Variants in NRDC observed in about 807,000 individuals in gnomAD.
NRDC encodes nardilysin convertase, also known as nardilysin.
In NRDC, 54 loss-of-function variants were observed where a neutral mutation model predicts 147.1. The ratio of observed to expected loss-of-function variants is 0.37; its 90% CI spans 0.29 to 0.46. The LOEUF (loss-of-function observed/expected upper bound fraction) is 0.46. NRDC is among the 20% of genes least tolerant of loss of function. NRDC has a pLI of 1.00. For synonymous variants in NRDC, 440 were observed against 482.1 expected (o/e 0.91, Z 1.14); for missense variants, 1,082 against 1,370.6 (o/e 0.79, Z 3.33).
chr1:51,815,376 A>G (rs139621569), intron 11 of NRDC, among the ~76,000 whole-genome samples: 86 of 152,094 alleles, frequency 5.7e-4, no homozygotes, highest in Admixed American at 2.7e-3. Context: ...TCTAAAACAT[A>G]CTTACATTGA....
Position 51,821,580 on chromosome 1 carries a change from G to C in NRDC, c.1160-25C>G, listed in dbSNP as rs1026919597. 2.0e-6 allele frequency: 3 copies of C among 1,523,096 alleles called. No individual in the cohort carries two copies. In the African/African-American group the frequency reaches 4.1e-5, roughly 21 times the overall value. 94.3% of individuals were successfully genotyped at this position (1,523,096 alleles called of 1,614,324 possible). Reference sequence around the variant, plus strand: ...TCTTGAGAGGGGAGGGCAGGGAAGAGACAGGAAAATGCAATGACATTATTC... The same window carrying C: ...TCTTGAGAGGGGAGGGCAGGGAAGACACAGGAAAATGCAATGACATTATTC... On this transcript the variant is annotated intron_variant, in intron 7 of 30. Coordinates refer to ENST00000352171, the MANE Select transcript of NRDC (RefSeq NM_001101662.2).
intron 22 of NRDC, 174 bp downstream of exon 22, chr1:51,798,075 G>A: frequency 1.7e-6 from 1 of 586,186 alleles, no homozygotes; most frequent in Admixed American, 3.1e-5. Flanking sequence ...CAGCCCAGCA[G>A]TCTTCATCTT....
intron 1 of NRDC, among the ~76,000 whole-genome samples, chr1:51,843,671 T>C (rs957343534): frequency 6.6e-6 from 1 of 152,184 alleles, no homozygotes; most frequent in Non-Finnish European, 1.5e-5. Flanking sequence ...TAATAACTTA[T>C]GAGGGTTGAA....
At chr1:51,808,804 T>G (rs756813689) in intron 17 of NRDC, among the ~76,000 whole-genome samples, 7 of 152,226 alleles carry the variant, frequency 4.6e-5, no homozygotes, top group Non-Finnish European at 7.3e-5. Flanking sequence ...GACAGGCAGA[T>G]ATCTGAAACA....
At chr1:51,878,156 T>G in intron 1 of NRDC, 119 bp downstream of exon 1, 2 of 1,427,888 alleles carry the variant, frequency 1.4e-6, no homozygotes, top group Non-Finnish European at 1.9e-6. Context: ...AAGGAAGCAT[T>G]TGGGGTGGAA....
intron 1 of NRDC, among the ~76,000 whole-genome samples, chr1:51,855,381 T>C (rs1252564794): frequency 6.6e-6 from 1 of 151,678 alleles, no homozygotes; most frequent in Non-Finnish European, 1.5e-5. Flanking sequence ...TTCAGTTCTA[T>C]AACAGAGCTA....
At position 51,789,666 on chromosome 1, in the gene NRDC, G is replaced by C. The variant is rs1678484678; in HGVS notation, c.3169-9C>G. ...GACTTCAGTGCTTCAATCTTACAAGGGAAGGGAAGATAGGAAAGAAATTCA... is the reference window on the plus strand; with the variant it reads ...GACTTCAGTGCTTCAATCTTACAAGCGAAGGGAAGATAGGAAAGAAATTCA... On this transcript the variant is annotated splice_polypyrimidine_tract_variant and intron_variant, in intron 29 of 30. Coordinates refer to ENST00000352171, the MANE Select transcript of NRDC (RefSeq NM_001101662.2). The C allele has an allele frequency of 6.3e-7, 1 of 1,594,432 alleles. No homozygotes were observed. The highest frequency in any genetic ancestry group is 8.6e-7 in the Non-Finnish European group (1 of 1,162,270).
At chr1:51,853,019 C>T (rs1682053051) in intron 1 of NRDC, among the ~76,000 whole-genome samples, 1 of 151,662 alleles carries the variant, frequency 6.6e-6, no homozygotes, top group Non-Finnish European at 1.5e-5. Context: ...GTCAGGAGTT[C>T]GAGACCAGCC....
chr1:51,800,180 G>A (rs1679126911), intron 21 of NRDC, among the ~76,000 whole-genome samples: 2 of 152,136 alleles, frequency 1.3e-5, no homozygotes, highest in South Asian at 2.1e-4. Context: ...TTGCTATATT[G>A]CCCAGGCTAG....
chr1:51,848,918 T>C (rs1681793268), intron 1 of NRDC, among the ~76,000 whole-genome samples: 1 of 152,178 alleles, frequency 6.6e-6, no homozygotes, highest in African/African-American at 2.4e-5. Flanking sequence ...AGCATGACAC[T>C]AGAACACATT....
chr1:51,837,375 T>A (rs1016203658), intron 2 of NRDC: 2 of 1,068,312 alleles, frequency 1.9e-6, no homozygotes, highest in African/African-American at 3.2e-5. Context: ...CTTGATACTA[T>A]AAACCCCATT....
At chr1:51,823,290 T>C (rs1206969164) in intron 7 of NRDC, among the ~76,000 whole-genome samples, 1 of 152,180 alleles carries the variant, frequency 6.6e-6, no homozygotes, top group Admixed American at 6.5e-5. Context: ...AACCAACACT[T>C]TGCCCTGTAA....
At chr1:51,844,136 C>T (rs1681414099) in intron 1 of NRDC, among the ~76,000 whole-genome samples, 1 of 152,008 alleles carries the variant, frequency 6.6e-6, no homozygotes. Context: ...GCTATACTCG[C>T]CTCCACCACC....
intron 1 of NRDC, among the ~76,000 whole-genome samples, chr1:51,877,379 G>A (rs550387758): frequency 3.3e-5 from 5 of 152,074 alleles, no homozygotes; most frequent in Non-Finnish European, 7.3e-5. Context: ...TCAAAGTCCA[G>A]GCCTGGCACA....
rs1571831859 is a variant in NRDC, at chr1:51,790,573, A to G, written c.3128T>C (p.Val1043Ala). 6.2e-7 allele frequency: 1 copy of G among 1,613,964 alleles called. No homozygotes were observed. Among genetic ancestry groups the G allele is most frequent in the East Asian group, 2.2e-5 (1 of 44,882 alleles). Reference sequence around the variant, plus strand: ...GTCAAAGAGGTACTGCTGTGTAACCACTTCATTCCAGTTCCTATCCACCTC... The same window carrying G: ...GTCAAAGAGGTACTGCTGTGTAACCGCTTCATTCCAGTTCCTATCCACCTC... ...GEEVDRNWNE[V>A]VTQQYLFDRL... is the part of the protein sequence containing the mutation. Residue 1043 changes from valine (V) to alanine (A), a missense_variant, in exon 29 of 31, where the codon GTG becomes GCG. Val to Ala is a moderately conservative substitution (Grantham distance 64). Coordinates refer to ENST00000352171, the MANE Select transcript of NRDC (RefSeq NM_001101662.2).
intron 20 of NRDC, chr1:51,801,437 G>C (rs1054153468): frequency 6.6e-6 from 1 of 152,078 alleles, no homozygotes; most frequent in African/African-American, 2.4e-5. Context: ...GGGACCACCG[G>C]CACATCCCAC....
intron 2 of NRDC, 38 bp from the exon 3 acceptor site, chr1:51,836,250 C>A (rs1299066968): frequency 4.4e-6 from 7 of 1,599,274 alleles, no homozygotes; most frequent in Non-Finnish European, 5.1e-6. Flanking sequence ...GTTGAGTCAA[C>A]CCTAAAGGAA....
chr1:51,797,769 T>C (rs1470322058), intron 22 of NRDC, among the ~76,000 whole-genome samples: 1 of 152,016 alleles, frequency 6.6e-6, no homozygotes. Context: ...CTCTCTCTCT[T>C]TCTTTATTTC....
At chr1:51,863,826 A>G (rs1402600738) in intron 1 of NRDC, among the ~76,000 whole-genome samples, 1 of 152,254 alleles carries the variant, frequency 6.6e-6, no homozygotes, top group Non-Finnish European at 1.5e-5. Flanking sequence ...AATATGCTCA[A>G]TTAAAGTCAT....
Sources: allele counts gnomAD v4.1 joint callset (sites outside exome capture counted in the v4.1 genomes callset), GRCh38; gene constraint gnomAD v4.1.1; transcripts MANE v1.5; gene names NCBI Gene and HGNC (gene_info 2026-07-23, HGNC 2026-07-21).